CLVS1: variants seen among roughly 807,000 people sequenced by gnomAD.
The protein encoded by CLVS1 is clavesin-1.
CLVS1 carries 10 observed loss-of-function variants against 33.1 expected under a neutral mutation model. That is an observed-to-expected ratio of 0.30 (90% CI 0.19 to 0.51). The LOEUF (loss-of-function observed/expected upper bound fraction) is 0.51. Among genes scored for constraint, CLVS1 ranks in the 20% least tolerant of loss-of-function variants. The pLI, the probability that CLVS1 is intolerant of heterozygous loss-of-function variation, is 0.97. For missense variants in CLVS1, 343 were observed against 433.4 expected, an observed-to-expected ratio of 0.79 and a Z score of 1.85; for synonymous variants, 163 against 166.1, an observed-to-expected ratio of 0.98 and a Z score of 0.14.
chr8:61,299,092 C>T (rs989145176), intron 1 of CLVS1, among the ~76,000 whole-genome samples: 26 of 152,158 alleles, frequency 1.7e-4, no homozygotes, highest in Non-Finnish European at 3.1e-4. Context: ...CTGTCCCCAC[C>T]CCCACTCTTC....
chr8:61,239,189 C>A (rs556359004), intron 2 of CLVS1, among the ~76,000 whole-genome samples: 5 of 152,174 alleles, frequency 3.3e-5, no homozygotes, highest in Admixed American at 6.5e-5. Flanking sequence ...TTTGTTTAAT[C>A]CCCTCTGTAA....
Position 61,476,874 on chromosome 8 carries a change from C to G in CLVS1, c.977+18332C>G, listed in dbSNP as rs1336485436. Among the ~76,000 whole-genome samples the G allele has an allele frequency of 9.2e-5, 14 of 152,118 alleles. No homozygotes were observed. The East Asian group carries it at 2.3e-3, about 25-fold the overall frequency. On this transcript the variant is annotated intron_variant, in intron 5 of 5. Coordinates refer to ENST00000325897, the MANE Select transcript of CLVS1 (RefSeq NM_173519.3). ...TGGGAGACGGCATCCCTGTCTTGTG[C>G]CAGTTTTCAAAGGGAATGCTTCCAG...
intron 3 of CLVS1, chr8:61,378,516 C>T (rs887355715): frequency 2.0e-5 from 3 of 152,202 alleles, no homozygotes; most frequent in African/African-American, 7.2e-5. Context: ...AGTTGTCACA[C>T]GCCAGGGTCC....
At chr8:61,345,233 T>C (rs1812169468) in intron 2 of CLVS1, among the ~76,000 whole-genome samples, 1 of 152,224 alleles carries the variant, frequency 6.6e-6, no homozygotes, top group African/African-American at 2.4e-5. Context: ...GTAGGCCCCA[T>C]ACACTTGCTA....
intron 2 of CLVS1, among the ~76,000 whole-genome samples, chr8:61,311,662 C>T (rs1810836953): frequency 6.6e-6 from 1 of 152,180 alleles, no homozygotes; most frequent in Non-Finnish European, 1.5e-5. Context: ...GTTTTATTGA[C>T]AGCATATCTT....
In CLVS1 at chr8:61,280,770, T is replaced by A. The variant is rs570480352; in HGVS notation, c.-151-18907T>A. On this transcript the variant is annotated intron_variant, in intron 2 of 2. Transcript: ENST00000522621. Reference sequence around the variant, plus strand: ...ATATTCTTCAAAACAACTTTAGCCCTCATAAGTGATCATTAATTATTTTTT... The same window carrying A: ...ATATTCTTCAAAACAACTTTAGCCCACATAAGTGATCATTAATTATTTTTT... Among the ~76,000 whole-genome samples, 6 of 152,280 alleles carry A rather than the reference T, an allele frequency of 3.9e-5. No homozygotes were observed. In the East Asian group the frequency reaches 1.2e-3, roughly 29 times the overall value.
chr8:61,314,054 TTTGTGTGTCA>T (rs890345947), intron 2 of CLVS1, among the ~76,000 whole-genome samples: 6 of 152,282 alleles, frequency 3.9e-5, no homozygotes, highest in Admixed American at 3.9e-4. Context: ...TTTTATATTC[TTTGTGTGTCA>T]TTGTGCACAA....
intron 3 of CLVS1, among the ~76,000 whole-genome samples, chr8:61,422,690 G>A (rs1282874912): frequency 6.6e-6 from 1 of 152,192 alleles, no homozygotes; most frequent in Non-Finnish European, 1.5e-5. Context: ...GAAAACAAGT[G>A]ATGGAATAAA....
At chr8:61,388,611 T>G (rs993947262) in intron 3 of CLVS1, among the ~76,000 whole-genome samples, 3 of 151,982 alleles carry the variant, frequency 2.0e-5, no homozygotes, top group African/African-American at 7.2e-5. Context: ...TTCATTCTTT[T>G]TTTGTTATAT....
chr8:61,314,205 G>C (rs1391530039), intron 2 of CLVS1, among the ~76,000 whole-genome samples: 1 of 152,120 alleles, frequency 6.6e-6, no homozygotes, highest in African/African-American at 2.4e-5. Flanking sequence ...TTCCCTGACA[G>C]GGTCGTGTAG....
chr8:61,445,974 C>G (rs1403509343), intron 3 of CLVS1, among the ~76,000 whole-genome samples: 3 of 152,016 alleles, frequency 2.0e-5, no homozygotes, highest in African/African-American at 7.2e-5. Flanking sequence ...CCGGCTTATC[C>G]TTTTGGTGTC....
intron 1 of CLVS1, among the ~76,000 whole-genome samples, chr8:61,059,553 T>A (rs1804546471): frequency 6.8e-6 from 1 of 146,024 alleles, no homozygotes; most frequent in African/African-American, 2.5e-5. Context: ...TAATAGTGAA[T>A]GTGTCCCAGC....
chr8:60,968,331 C>A, the CLVS1 span, among the ~76,000 whole-genome samples: 2 of 152,100 alleles, frequency 1.3e-5, no homozygotes, highest in African/African-American at 4.8e-5. Context: ...GCCTGACCAA[C>A]ATGGTGAAAC....
chr8:61,371,388 A>G (rs1462471947), intron 2 of CLVS1, among the ~76,000 whole-genome samples: 2 of 152,140 alleles, frequency 1.3e-5, no homozygotes. Flanking sequence ...GATTCTGGAT[A>G]TTAGTCCTTT....
the CLVS1 span, chr8:60,965,974 G>C: frequency 6.0e-6 from 1 of 166,934 alleles, no homozygotes; most frequent in Admixed American, 5.9e-5. Flanking sequence ...ACCATGCCTG[G>C]CTAAGTTTTG....
intron 1 of CLVS1, among the ~76,000 whole-genome samples, chr8:61,107,975 A>C (rs1274422026): frequency 6.6e-6 from 1 of 152,060 alleles, no homozygotes; most frequent in East Asian, 1.9e-4. Flanking sequence ...ATCAGAGAAA[A>C]CCATAAAAAT....
In CLVS1 at chr8:61,458,567, C is replaced by T. The variant is rs772319156; in HGVS notation, c.977+25C>T. 20 of 1,472,312 alleles carry T rather than the reference C, an allele frequency of 1.4e-5. No individual in the cohort carries two copies. In the African/African-American group the frequency reaches 2.4e-4, roughly 18 times the overall value. The allele number at this position is 1,472,312 out of a possible 1,614,324, so 91.2% of individuals were successfully genotyped here. On this transcript the variant is annotated intron_variant, in intron 5 of 5. Coordinates refer to ENST00000325897, the MANE Select transcript of CLVS1 (RefSeq NM_173519.3). ...GGTAAGGCCTGGGTTATCAGAGCCC[C>T]CCCCCCAGTCAGAGGTCAATGGAAT...
chr8:61,005,499 AG>A, the CLVS1 span, among the ~76,000 whole-genome samples: 3 of 152,052 alleles, frequency 2.0e-5, no homozygotes, highest in African/African-American at 4.8e-5. Context: ...AGAAAAGAAA[AG>A]AAAAAAAAGC....
intron 2 of CLVS1, among the ~76,000 whole-genome samples, chr8:61,139,202 G>A (rs908924666): frequency 1.3e-5 from 2 of 152,200 alleles, no homozygotes; most frequent in South Asian, 4.1e-4. Context: ...GGCGCCGGCT[G>A]CCAGCAGAGG....
Sources: gnomAD v4.1 joint callset for allele counts (sites outside exome capture counted in the v4.1 genomes callset) on GRCh38, gnomAD v4.1.1 for gene constraint, MANE v1.5 for transcripts, NCBI Gene and HGNC (gene_info 2026-07-23, HGNC 2026-07-21) for gene names.